Variants in PPFIBP1 observed in about 807,000 individuals in gnomAD.
PPFIBP1 encodes liprin-beta-1.
PPFIBP1 carries 112 observed loss-of-function variants against 137.8 expected under a neutral mutation model. That is an observed-to-expected ratio of 0.81 (90% CI 0.70 to 0.95). The LOEUF is 0.95. PPFIBP1 is among the 40% of genes least tolerant of loss of function. PPFIBP1 has a pLI of 0.00. For synonymous variants in PPFIBP1, 378 were observed against 417.3 expected, an observed-to-expected ratio of 0.91 and a Z score of 1.15; for missense variants, 1,083 against 1,196.6, an observed-to-expected ratio of 0.91 and a Z score of 1.40.
In PPFIBP1 at chr12:27,656,503, G is replaced by A. The variant is rs1409457154; in HGVS notation, c.697-113G>A. On this transcript the variant is annotated intron_variant, in intron 8 of 29. Coordinates refer to ENST00000228425, the MANE Select transcript of PPFIBP1 (RefSeq NM_003622.4). Reference sequence around the variant, plus strand: ...TTCTGATGCTTGCATCTAAATTCTAGTAGATTTGTTTCATTCATAAAACCT... The same window carrying A: ...TTCTGATGCTTGCATCTAAATTCTAATAGATTTGTTTCATTCATAAAACCT... 2.4e-5 allele frequency: 17 copies of A among 694,552 alleles called. No homozygotes were observed. In the South Asian group the frequency reaches 2.6e-4, roughly 11 times the overall value. 43.0% of individuals were successfully genotyped at this position (694,552 alleles called of 1,614,324 possible). A position where few individuals can be genotyped will look rare whatever the true frequency, so the allele number is the denominator to read the frequency against.
chr12:27,671,633 C>A (rs1375154436), intron 14 of PPFIBP1, 87 bp downstream of exon 14: 1 of 782,198 alleles, frequency 1.3e-6, no homozygotes, highest in Non-Finnish European at 2.0e-6. Context: ...TTTACAGACA[C>A]AATTTTTACC....
rs2053160668 is a variant in PPFIBP1, at chr12:27,595,850, G to GATC, written c.-36+17613_-36+17615dup. 4.3e-5 allele frequency among the ~76,000 whole-genome samples: 4 copies of GATC among 93,446 alleles called. No homozygotes were observed. In the South Asian group the frequency reaches 1.1e-3, roughly 27 times the overall value. 61.3% of individuals were successfully genotyped at this position (93,446 alleles called of 152,430 possible). A position where few individuals can be genotyped will look rare whatever the true frequency, so the allele number is the denominator to read the frequency against. On this transcript the variant is annotated intron_variant, in intron 2 of 29. Transcript: ENST00000228425. ...GCCTGGGCAACAACAGCGACACTCT[G>GATC]ATCAACAACAACAACAACAACAACA... is the stretch of plus-strand genomic sequence containing the variant.
At chr12:27,652,518 A>G (rs184020757) in intron 7 of PPFIBP1, among the ~76,000 whole-genome samples, 1 of 152,238 alleles carries the variant, frequency 6.6e-6, no homozygotes, top group African/African-American at 2.4e-5. Flanking sequence ...AAAGTTTTAC[A>G]TTAGGGAGCC....
At chr12:27,546,879 G>A (rs1946287692) in intron 1 of PPFIBP1, among the ~76,000 whole-genome samples, 2 of 152,088 alleles carry the variant, frequency 1.3e-5, no homozygotes, top group Non-Finnish European at 2.9e-5. Context: ...GCCAGGCATG[G>A]TTGTCCCAGC....
At chr12:27,597,295 G>GT (rs757952941) in intron 2 of PPFIBP1, among the ~76,000 whole-genome samples, 25 of 152,174 alleles carry the variant, frequency 1.6e-4, no homozygotes, top group Non-Finnish European at 3.2e-4. Context: ...AGCCTCCTGA[G>GT]TAGCTGGGAT....
chr12:27,675,124 G>T (rs1178496009), intron 17 of PPFIBP1, among the ~76,000 whole-genome samples: 3 of 151,942 alleles, frequency 2.0e-5, no homozygotes, highest in African/African-American at 7.3e-5. Context: ...TTACAGGCAT[G>T]AGCCACTGTG....
rs2061552311 is a variant in PPFIBP1 at position 27,691,642 on chromosome 12, A to G, written c.2686-107A>G. The G allele has an allele frequency of 5.3e-6, 4 of 756,036 alleles. No individual in the cohort carries two copies. The South Asian group carries it at 5.8e-5, about 11-fold the overall frequency. 46.8% of individuals were successfully genotyped at this position (756,036 alleles called of 1,614,324 possible). A position where few individuals can be genotyped will look rare whatever the true frequency, so the allele number is the denominator to read the frequency against. Reference sequence around the variant, plus strand: ...CATGGGGTAAATAATTAAATTATACATATAGGAGGGAGGGGGCAACGCAAA... The same window carrying G: ...CATGGGGTAAATAATTAAATTATACGTATAGGAGGGAGGGGGCAACGCAAA... On this transcript the variant is annotated intron_variant, in intron 27 of 29. Transcript: ENST00000228425.
intron 1 of PPFIBP1, among the ~76,000 whole-genome samples, chr12:27,562,183 T>A (rs1279558422): frequency 6.6e-6 from 1 of 152,152 alleles, no homozygotes; most frequent in Non-Finnish European, 1.5e-5. Flanking sequence ...TTGCTGTTCC[T>A]ACGCAGTGAC....
At chr12:27,604,714 T>C (rs915250158) in intron 2 of PPFIBP1, among the ~76,000 whole-genome samples, 1 of 152,214 alleles carries the variant, frequency 6.6e-6, no homozygotes, top group African/African-American at 2.4e-5. Context: ...AGGAACCACT[T>C]GTGTACATCT....
intron 25 of PPFIBP1, 118 bp from the exon 26 acceptor site, chr12:27,688,180 A>G: frequency 8.5e-7 from 1 of 1,178,166 alleles, no homozygotes; most frequent in Non-Finnish European, 1.2e-6. Flanking sequence ...TTTAAAAGAG[A>G]ATTTTTCCCT....
chr12:27,662,453 C>A (rs1395008107), intron 11 of PPFIBP1, among the ~76,000 whole-genome samples: 1 of 152,092 alleles, frequency 6.6e-6, no homozygotes, highest in African/African-American at 2.4e-5. Context: ...AGAGTGAAGA[C>A]AGACAAACAG....
At chr12:27,557,922 A>C (rs2048834887) in intron 1 of PPFIBP1, among the ~76,000 whole-genome samples, 1 of 152,174 alleles carries the variant, frequency 6.6e-6, no homozygotes, top group Admixed American at 6.5e-5. Flanking sequence ...TAAATTCTCT[A>C]GTTTTGTTTC....
intron 12 of PPFIBP1, among the ~76,000 whole-genome samples, chr12:27,664,829 C>T (rs1175400900): frequency 6.6e-6 from 1 of 152,140 alleles, no homozygotes; most frequent in Non-Finnish European, 1.5e-5. Context: ...TGAGCAACCT[C>T]TGGTAGCGCA....
At position 27,634,985 on chromosome 12, in the gene PPFIBP1, G is replaced by A. The variant is rs774056533; in HGVS notation, c.140G>A (p.Arg47Gln). The A allele has an allele frequency of 1.6e-5, 26 of 1,614,062 alleles. No individual in the cohort carries two copies. The highest frequency in any genetic ancestry group is 1.7e-4 in the Middle Eastern group (1 of 6,060). The part of the protein sequence containing the change: ...SPTSPFMGSL[R>Q]ALHLVEDLRG... ...ACCTCTCCATTCATGGGAAGTTTGC[G>A]AGCTCTGCACCTTGTGGAAGACCTG... Residue 47 changes from arginine to glutamine, a missense_variant, in exon 4 of 30, where the codon CGA becomes CAA. Physicochemically the swap from Arg to Gln is conservative, Grantham distance 43. Transcript: ENST00000228425.
At chr12:27,579,918 A>G (rs1484087337) in intron 2 of PPFIBP1, among the ~76,000 whole-genome samples, 1 of 152,144 alleles carries the variant, frequency 6.6e-6, no homozygotes, top group Non-Finnish European at 1.5e-5. Flanking sequence ...GCCCTCTCTG[A>G]TATGTGAGTG....
intron 29 of PPFIBP1, 67 bp downstream of exon 29, chr12:27,692,723 A>G: frequency 1.2e-6 from 2 of 1,613,886 alleles, no homozygotes; most frequent in South Asian, 2.2e-5. Context: ...CCAAAGGACC[A>G]CATGTCTCTT....
intron 2 of PPFIBP1, chr12:27,592,897 T>G: frequency 2.2e-6 from 1 of 459,842 alleles, no homozygotes; most frequent in Non-Finnish European, 3.9e-6. Context: ...ATCAGCACTT[T>G]GGGAGGCCGA....
At chr12:27,659,279 C>G (rs1565958017) in intron 10 of PPFIBP1, among the ~76,000 whole-genome samples, 1 of 152,110 alleles carries the variant, frequency 6.6e-6, no homozygotes, top group Non-Finnish European at 1.5e-5. Context: ...ATTAGAAGCT[C>G]CTTTGAACAT....
chr12:27,594,327 G>A (rs1376802877), intron 2 of PPFIBP1, among the ~76,000 whole-genome samples: 4 of 151,806 alleles, frequency 2.6e-5, no homozygotes, highest in African/African-American at 9.7e-5. Context: ...ATAGGCACCC[G>A]CCACAATGCC....
Sources: gnomAD v4.1 joint callset for allele counts (sites outside exome capture counted in the v4.1 genomes callset) on GRCh38, gnomAD v4.1.1 for gene constraint, MANE v1.5 for transcripts, NCBI Gene and HGNC (gene_info 2026-07-23, HGNC 2026-07-21) for gene names.